Variants in IL1RAPL1 observed in about 807,000 individuals in gnomAD.
IL1RAPL1 encodes interleukin-1 receptor accessory protein-like 1.
In IL1RAPL1, 3 loss-of-function variants were observed where a neutral mutation model predicts 48.4. The observed-to-expected ratio is 0.06, with a 90% CI of 0.03 to 0.16. IL1RAPL1 has a LOEUF of 0.16. Among genes scored for constraint, IL1RAPL1 ranks in the 10% least tolerant of loss-of-function variants. The pLI is 1.00. For synonymous variants in IL1RAPL1, 185 were observed against 187.7 expected (o/e 0.99, Z 0.12); for missense variants, 349 against 530.6 (o/e 0.66, Z 3.36).
At position 29,649,423 on chromosome X, in the gene IL1RAPL1, G is replaced by A. The variant is rs761030241; in HGVS notation, c.704-19007G>A. 2.3e-3 allele frequency among the ~76,000 whole-genome samples: 254 copies of A among 111,748 alleles called. 1 individual carries two copies. Among genetic ancestry groups the A allele is most frequent in the African/African-American group, 7.8e-3 (240 of 30,829 alleles). On this transcript the variant is annotated intron_variant, in intron 5 of 10. Transcript: ENST00000378993. Reference sequence around the variant, plus strand: ...ATGATCAATTGAGATTCATCAAATGGATACAAGGATAGTTCGCATACACAA... The same window carrying A: ...ATGATCAATTGAGATTCATCAAATGAATACAAGGATAGTTCGCATACACAA...
chrX:29,418,749 A>T (rs1934255088), intron 5 of IL1RAPL1, among the ~76,000 whole-genome samples: 1 of 112,196 alleles, frequency 8.9e-6, no homozygotes, highest in South Asian at 3.7e-4. Context: ...GTTGGTTATG[A>T]CATTGCTAAA....
At chrX:28,616,680 C>T (rs1400877178) in intron 1 of IL1RAPL1, among the ~76,000 whole-genome samples, 1 of 111,943 alleles carries the variant, frequency 8.9e-6, no homozygotes, top group Non-Finnish European at 1.9e-5. Flanking sequence ...GATCCACCCA[C>T]CTTGGCCTCC....
At chrX:29,304,013 G>A (rs1932578233) in intron 3 of IL1RAPL1, among the ~76,000 whole-genome samples, 1 of 111,453 alleles carries the variant, frequency 9.0e-6, no homozygotes, top group Admixed American at 9.6e-5. Context: ...TCTGTGTCTA[G>A]GCCAACAAGA....
intron 5 of IL1RAPL1, among the ~76,000 whole-genome samples, chrX:29,599,598 TC>T (rs1468972304): frequency 8.9e-6 from 1 of 112,570 alleles, no homozygotes; most frequent in Non-Finnish European, 1.9e-5. Flanking sequence ...ATTGATTATT[TC>T]CTCAAATATG....
chrX:29,272,733 G>A, intron 2 of IL1RAPL1, among the ~76,000 whole-genome samples: 2 of 111,939 alleles, frequency 1.8e-5, no homozygotes, highest in Admixed American at 1.9e-4. Context: ...CATGGATGAT[G>A]TCCTCAAATA....
chrX:28,995,452 A>G (rs1343448733), intron 2 of IL1RAPL1, among the ~76,000 whole-genome samples: 1 of 111,463 alleles, frequency 9.0e-6, no homozygotes, highest in Non-Finnish European at 1.9e-5. Flanking sequence ...TGGAAATAAG[A>G]GGTAGAAGAA....
At chrX:29,220,171 C>A (rs994120015) in intron 2 of IL1RAPL1, among the ~76,000 whole-genome samples, 1 of 111,924 alleles carries the variant, frequency 8.9e-6, no homozygotes, top group Non-Finnish European at 1.9e-5. Flanking sequence ...ACCTTACCAA[C>A]TGCCCACCTG....
chrX:28,820,917 C>G (rs1408027687), intron 2 of IL1RAPL1, among the ~76,000 whole-genome samples: 2 of 110,931 alleles, frequency 1.8e-5, no homozygotes, highest in Non-Finnish European at 3.8e-5. Context: ...CTGGAATATA[C>G]AAGGAAAGGA....
intron 2 of IL1RAPL1, among the ~76,000 whole-genome samples, chrX:29,166,792 G>T (rs1353622994): frequency 9.0e-6 from 1 of 111,328 alleles, no homozygotes; most frequent in Non-Finnish European, 1.9e-5. Context: ...CACCATGAAA[G>T]TGCATGCCTT....
intron 2 of IL1RAPL1, among the ~76,000 whole-genome samples, chrX:28,807,489 T>A (rs1439154529): frequency 8.9e-6 from 1 of 111,897 alleles, no homozygotes; most frequent in Non-Finnish European, 1.9e-5. Flanking sequence ...ACTAAATTGA[T>A]GCCTTACATA....
intron 2 of IL1RAPL1, among the ~76,000 whole-genome samples, chrX:28,895,422 G>A (rs1482349479): frequency 3.8e-5 from 4 of 105,132 alleles, no homozygotes; most frequent in African/African-American, 1.4e-4. Context: ...GTGCATGATC[G>A]GTCTCCAAGG....
chrX:29,543,864 G>A (rs1921523045), intron 5 of IL1RAPL1, among the ~76,000 whole-genome samples: 1 of 110,918 alleles, frequency 9.0e-6, no homozygotes, highest in Non-Finnish European at 1.9e-5. Context: ...TCATGCCAGA[G>A]TGTGGGGGTG....
intron 2 of IL1RAPL1, among the ~76,000 whole-genome samples, chrX:28,985,657 ATTTT>A (rs377736234): frequency 1.1e-5 from 1 of 92,686 alleles, no homozygotes. Context: ...TAACGAGCAC[ATTTT>A]TTTTTTTTTT....
chrX:29,097,297 G>GT (rs1456683341), intron 2 of IL1RAPL1, among the ~76,000 whole-genome samples: 2 of 111,694 alleles, frequency 1.8e-5, no homozygotes, highest in African/African-American at 6.5e-5. Context: ...AGTTGCTTTT[G>GT]TTTAACATTT....
intron 2 of IL1RAPL1, among the ~76,000 whole-genome samples, chrX:28,996,362 T>C (rs1326932156): frequency 3.6e-5 from 4 of 111,921 alleles, no homozygotes; most frequent in Admixed American, 1.9e-4. Context: ...CACTAATCAT[T>C]TGATGATCAT....
chrX:28,638,398 C>G (rs1042849511), intron 1 of IL1RAPL1, among the ~76,000 whole-genome samples: 1 of 110,718 alleles, frequency 9.0e-6, no homozygotes, highest in African/African-American at 3.3e-5. Flanking sequence ...TTCCCAAGAG[C>G]ATTTTCATGT....
intron 3 of IL1RAPL1, among the ~76,000 whole-genome samples, chrX:29,339,702 A>G (rs758437973): frequency 3.6e-5 from 4 of 112,197 alleles, no homozygotes; most frequent in Non-Finnish European, 7.5e-5. Context: ...GTTACTAACT[A>G]AAGTCCACAT....
chrX:29,668,851 G>T (rs1926071143), intron 6 of IL1RAPL1, among the ~76,000 whole-genome samples: 1 of 111,467 alleles, frequency 9.0e-6, no homozygotes, highest in Non-Finnish European at 1.9e-5. Flanking sequence ...CTATTAATAG[G>T]TTAAGATGCA....
intron 5 of IL1RAPL1, among the ~76,000 whole-genome samples, chrX:29,457,308 G>T (rs1251378640): frequency 2.7e-5 from 3 of 109,171 alleles, no homozygotes; most frequent in African/African-American, 1.0e-4. Flanking sequence ...CAGGTAGTGA[G>T]CATAATACCC....
Sources: gnomAD v4.1 joint callset for allele counts (sites outside exome capture counted in the v4.1 genomes callset) on GRCh38, gnomAD v4.1.1 for gene constraint, MANE v1.5 for transcripts, NCBI Gene and HGNC (gene_info 2026-07-23, HGNC 2026-07-21) for gene names.